The following DCBLD1 variants were observed in gnomAD, a reference collection of about 807,000 sequenced individuals.
DCBLD1 encodes the protein discoidin, CUB and LCCL domain containing 1, also known as discoidin, CUB and LCCL domain-containing protein 1.
DCBLD1 carries 57 observed loss-of-function variants against 71.5 expected under a neutral mutation model. That is an observed-to-expected ratio of 0.80 (90% CI 0.64 to 0.99). The LOEUF is 0.99. DCBLD1 is among the 50% of genes least tolerant of loss of function. The pLI is 0.00. For missense variants in DCBLD1, 891 were observed against 923.5 expected, an observed-to-expected ratio of 0.96 and a Z score of 0.46; for synonymous variants, 380 against 363.8, an observed-to-expected ratio of 1.04 and a Z score of -0.51.
At chr6:117,498,916 A>T (rs922426278) in intron 1 of DCBLD1, among the ~76,000 whole-genome samples, 2 of 152,108 alleles carry the variant, frequency 1.3e-5, no homozygotes, top group African/African-American at 4.8e-5. Flanking sequence ...TATTTAAAAG[A>T]TTTTATAAGG....
intron 5 of DCBLD1, among the ~76,000 whole-genome samples, chr6:117,530,029 G>A (rs1778663266): frequency 6.6e-6 from 1 of 152,184 alleles, no homozygotes; most frequent in Non-Finnish European, 1.5e-5. Flanking sequence ...AGTCCAGTGA[G>A]AGCTCTCAAT....
intron 1 of DCBLD1, among the ~76,000 whole-genome samples, chr6:117,497,636 A>C (rs1475889573): frequency 6.6e-6 from 1 of 152,190 alleles, no homozygotes; most frequent in Non-Finnish European, 1.5e-5. Context: ...AGTTAGTCTC[A>C]AGAATTTACT....
intron 2 of DCBLD1, among the ~76,000 whole-genome samples, chr6:117,519,247 AT>A (rs1469521214): frequency 7.9e-5 from 12 of 152,192 alleles, no homozygotes; most frequent in African/African-American, 2.7e-4. Context: ...ATTTTGTACT[AT>A]AATATTTCAA....
intron 2 of DCBLD1, among the ~76,000 whole-genome samples, chr6:117,512,765 G>A (rs757313224): frequency 1.6e-4 from 25 of 152,100 alleles, no homozygotes; most frequent in Non-Finnish European, 2.9e-4. Context: ...GAAGGTTAAT[G>A]AGGGTTTTTT....
chr6:117,550,699 A>T (rs1779413546), downstream of DCBLD1, among the ~76,000 whole-genome samples: 1 of 152,218 alleles, frequency 6.6e-6, no homozygotes, highest in African/African-American at 2.4e-5. Flanking sequence ...TCACATTTGT[A>T]GGCACAACTG....
At chr6:117,486,639 A>G (rs1777094363) in intron 1 of DCBLD1, among the ~76,000 whole-genome samples, 1 of 152,196 alleles carries the variant, frequency 6.6e-6, no homozygotes, top group Non-Finnish European at 1.5e-5. Context: ...GTCTTGCCCC[A>G]AATATCCACA....
At chr6:117,497,407 T>C (rs1010224419) in intron 1 of DCBLD1, among the ~76,000 whole-genome samples, 14 of 152,218 alleles carry the variant, frequency 9.2e-5, no homozygotes, top group Admixed American at 3.9e-4. Context: ...AAGGAAGTTA[T>C]TGTTTTCCTT....
Position 117,488,391 on chromosome 6 carries a change from C to A in DCBLD1, c.112+5498C>A, listed in dbSNP as rs1267444947. Among the ~76,000 whole-genome samples the A allele has an allele frequency of 2.6e-5, 4 of 152,174 alleles. No individual in the cohort carries two copies. The South Asian group carries it at 6.2e-4, about 24-fold the overall frequency. ...GGGCAGGGCGGCTGACTCCTGTAAT[C>A]CCAGTACTTTGGGAGGCTGAGGTGG... On this transcript the variant is annotated intron_variant, in intron 1 of 14. Transcript: ENST00000338728.
At position 117,547,338 on chromosome 6, in the gene DCBLD1, G is replaced by T. The variant is rs571617036; in HGVS notation, c.1616-569G>T. 7.2e-5 allele frequency among the ~76,000 whole-genome samples: 11 copies of T among 152,252 alleles called. 1 individual carries two copies. The South Asian group carries it at 2.3e-3, about 32-fold the overall frequency. On this transcript the variant is annotated intron_variant, in intron 14 of 14. Coordinates refer to ENST00000338728, the MANE Select transcript of DCBLD1 (RefSeq NM_001366458.2). ...TGCCTTGGTTTCCCATTTGTAAAAT[G>T]GAGTAACAGTTCCTACCTCGGGATT...
chr6:117,555,371 T>C (rs932208541), intron 14 of DCBLD1, among the ~76,000 whole-genome samples: 4 of 152,206 alleles, frequency 2.6e-5, no homozygotes, highest in Non-Finnish European at 5.9e-5. Flanking sequence ...TCAGGGTTTT[T>C]TTTTGTAGTT....
chr6:117,534,909 T>C (rs568744999), intron 6 of DCBLD1, among the ~76,000 whole-genome samples: 32 of 152,072 alleles, frequency 2.1e-4, no homozygotes, highest in Non-Finnish European at 3.7e-4. Context: ...TCATTTTTAT[T>C]TTGGGGGGAG....
intron 11 of DCBLD1, among the ~76,000 whole-genome samples, chr6:117,542,554 C>T (rs181402283): frequency 2.4e-4 from 36 of 152,166 alleles, no homozygotes; most frequent in Admixed American, 2.2e-3. Context: ...GAAAGAGTTG[C>T]AGGAAAACAT....
Position 117,503,871 on chromosome 6 carries a change from A to T in DCBLD1, c.217A>T (p.Thr73Ser), listed in dbSNP as rs1277184876. 1 of 1,614,134 alleles carries T rather than the reference A, an allele frequency of 6.2e-7. No homozygotes were observed. The highest frequency in any genetic ancestry group is 1.7e-5 in the Admixed American group (1 of 60,026). Residue 73 changes from threonine (T) to serine (S), a missense_variant, in exon 2 of 15, where the codon ACA becomes TCA. Transcript: ENST00000338728. ...TCACACTGTTTGCGAAAAGACAATT[A>T]CAGTACCAAAGGGGAAAAGACTGAT... ...PNHTVCEKTI[T>S]VPKGKRLILR...
Position 117,541,359 on chromosome 6 carries a change from T to G in DCBLD1, c.1357+334T>G, listed in dbSNP as rs369629842. Among the ~76,000 whole-genome samples the G allele has an allele frequency of 1.3e-4, 20 of 152,210 alleles. No individual in the cohort carries two copies. In the East Asian group the frequency reaches 2.5e-3, roughly 19 times the overall value. On this transcript the variant is annotated intron_variant, in intron 11 of 14. Coordinates refer to ENST00000338728, the MANE Select transcript of DCBLD1 (RefSeq NM_001366458.2). ...GAAATTGGTAATATAGAAAGCTGTC[T>G]GAGATATAGTGGCAACTTAAAAAAA... is the stretch of plus-strand genomic sequence containing the variant.
chr6:117,563,435 G>A, intron 14 of DCBLD1: 1 of 1,596,156 alleles, frequency 6.3e-7, no homozygotes. Context: ...TAAAAAGTTG[G>A]TTTTGGTCAG....
chr6:117,526,898 C>T (rs1410518781), intron 5 of DCBLD1, among the ~76,000 whole-genome samples: 1 of 152,178 alleles, frequency 6.6e-6, no homozygotes, highest in South Asian at 2.1e-4. Context: ...TAGCTGGGTT[C>T]TCTGCTTCAG....
In DCBLD1 at chr6:117,548,485, C is replaced by CA; in HGVS notation, c.*47dup. ...GCTGTGGTACTGAGCGTCGGGCTGT[C>CA]ACAAGGCACTGGAAGAAGGGAGCCT... is the stretch of plus-strand genomic sequence containing the variant. On this transcript the variant is annotated 3_prime_UTR_variant, in exon 15 of 15. Coordinates refer to ENST00000338728, the MANE Select transcript of DCBLD1 (RefSeq NM_001366458.2). The CA allele has an allele frequency of 6.5e-7, 1 of 1,546,714 alleles. No homozygotes were observed. The highest frequency in any genetic ancestry group is 8.7e-7 in the Non-Finnish European group (1 of 1,146,432).
intron 2 of DCBLD1, among the ~76,000 whole-genome samples, chr6:117,515,108 C>T (rs1023633931): frequency 4.0e-5 from 6 of 151,782 alleles, no homozygotes; most frequent in Non-Finnish European, 8.8e-5. Context: ...CAACCTCCAC[C>T]CCCCAGGTTC....
chr6:117,562,126 C>G (rs12464), intron 14 of DCBLD1: 7,853 of 206,594 alleles, frequency 0.038, 193 homozygotes, highest in Non-Finnish European at 0.051. Context: ...AGGAGGCACT[C>G]CATGTTTAAT....
Sources: allele counts gnomAD v4.1 joint callset (sites outside exome capture counted in the v4.1 genomes callset), GRCh38; gene constraint gnomAD v4.1.1; transcripts MANE v1.5; gene names NCBI Gene and HGNC (gene_info 2026-07-23, HGNC 2026-07-21).